HPSE2: variants seen among roughly 807,000 people sequenced by gnomAD.
HPSE2 encodes inactive heparanase-2.
A neutral mutation model predicts 60.5 loss-of-function variants in HPSE2; 38 were observed. The ratio of observed to expected loss-of-function variants is 0.63; its 90% confidence interval spans 0.48 to 0.82. The LOEUF (loss-of-function observed/expected upper bound fraction) is 0.82, where lower values mean the gene tolerates loss of function less well. HPSE2 is among the 40% of genes least tolerant of loss of function. The probability of loss-of-function intolerance (pLI) is 0.00; values close to 1 mark genes in which losing one functional copy is unlikely to be tolerated. For missense variants in HPSE2, 713 were observed against 740.4 expected (o/e 0.96, Z 0.43); for synonymous variants, 295 against 293.2 (o/e 1.01, Z -0.06).
chr10:98,641,328 G>A (rs1055106949), intron 7 of HPSE2, among the ~76,000 whole-genome samples: 3 of 152,100 alleles, frequency 2.0e-5, no homozygotes, highest in Non-Finnish European at 4.4e-5. Context: ...GGCTCACACC[G>A]GTAATCCCAG....
intron 2 of HPSE2, among the ~76,000 whole-genome samples, chr10:99,170,254 G>A (rs2040022): frequency 0.47 from 71,589 of 152,078 alleles, 19,486 homozygotes; most frequent in Non-Finnish European, 0.61. Context: ...CAGAACAAAC[G>A]ACACTCTGGC....
intron 3 of HPSE2, among the ~76,000 whole-genome samples, chr10:98,837,866 T>C (rs1331923635): frequency 1.5e-5 from 2 of 135,422 alleles, no homozygotes; most frequent in East Asian, 4.2e-4. Context: ...AGAGCGAGAC[T>C]CCATCTCAAA....
chr10:98,859,261 A>G lies in HPSE2; in HGVS notation c.611-115205T>C, dbSNP rs759740625. ...TGACCATATGACTCACAAAGCCTTA[A>G]ATATACACACACATATACACTATCT... On this transcript the variant is annotated intron_variant, in intron 3 of 11. Transcript: ENST00000370552. 4.1e-4 allele frequency among the ~76,000 whole-genome samples: 63 copies of G among 152,188 alleles called. 1 individual carries two copies. Among genetic ancestry groups the G allele is most frequent in the Non-Finnish European group, 7.3e-5 (5 of 68,036 alleles).
At chr10:99,082,263 A>G (rs1843170689) in intron 3 of HPSE2, among the ~76,000 whole-genome samples, 1 of 152,220 alleles carries the variant, frequency 6.6e-6, no homozygotes, top group African/African-American at 2.4e-5. Context: ...AAATACACAT[A>G]TACTAGAAAG....
chr10:98,526,489 T>C lies in HPSE2; in HGVS notation c.1321-36293A>G, dbSNP rs76067663. ...GTAGTATAAAGTTTAGCACTAGTTA[T>C]GGGGAAGCAGCCTTATTCAAAAATC... On this transcript the variant is annotated intron_variant, in intron 9 of 11. Transcript: ENST00000370552. Among the ~76,000 whole-genome samples, 137 of 152,324 alleles carry C rather than the reference T, an allele frequency of 9.0e-4. No individual in the cohort carries two copies. In the East Asian group the frequency reaches 0.022, roughly 24 times the overall value.
intron 9 of HPSE2, among the ~76,000 whole-genome samples, chr10:98,571,153 C>A (rs975072395): frequency 6.6e-6 from 1 of 152,122 alleles, no homozygotes; most frequent in Admixed American, 6.6e-5. Flanking sequence ...AGTAGAAAGA[C>A]CTAATGTATG....
At chr10:98,860,098 T>C (rs1229085167) in intron 3 of HPSE2, among the ~76,000 whole-genome samples, 1 of 152,174 alleles carries the variant, frequency 6.6e-6, no homozygotes, top group African/African-American at 2.4e-5. Context: ...AGGCATCCTT[T>C]GGGGGTCTTG....
At chr10:99,125,393 T>C (rs1845123451) in intron 3 of HPSE2, among the ~76,000 whole-genome samples, 1 of 152,202 alleles carries the variant, frequency 6.6e-6, no homozygotes, top group African/African-American at 2.4e-5. Context: ...TCAGACTCTA[T>C]CTAATCCCCT....
intron 9 of HPSE2, among the ~76,000 whole-genome samples, chr10:98,542,177 C>T (rs1364162294): frequency 5.9e-5 from 9 of 152,122 alleles, no homozygotes; most frequent in Non-Finnish European, 1.3e-4. Context: ...CACGAAAATC[C>T]GCTCTTCTGC....
chr10:99,100,490 T>A (rs1456695462), intron 3 of HPSE2, among the ~76,000 whole-genome samples: 3 of 152,146 alleles, frequency 2.0e-5, no homozygotes, highest in African/African-American at 7.2e-5. Context: ...TAGGGGACTA[T>A]GTGAAAAGAC....
chr10:99,193,076 C>T (rs1245645288), intron 2 of HPSE2, among the ~76,000 whole-genome samples: 1 of 152,040 alleles, frequency 6.6e-6, no homozygotes, highest in Non-Finnish European at 1.5e-5. Flanking sequence ...AAAATAATAA[C>T]TACAACAACT....
At chr10:98,626,356 G>T (rs1363204555) in intron 7 of HPSE2, among the ~76,000 whole-genome samples, 2 of 152,120 alleles carry the variant, frequency 1.3e-5, no homozygotes, top group African/African-American at 4.8e-5. Flanking sequence ...AATTATTGTA[G>T]ACTTTACAAA....
intron 3 of HPSE2, among the ~76,000 whole-genome samples, chr10:98,889,339 C>T (rs185178725): frequency 7.2e-5 from 11 of 151,832 alleles, no homozygotes; most frequent in Admixed American, 4.6e-4. Context: ...TGTACCACCA[C>T]GCCTGGCTTT....
intron 3 of HPSE2, among the ~76,000 whole-genome samples, chr10:99,050,582 G>A (rs7080467): frequency 0.099 from 15,120 of 152,092 alleles, 815 homozygotes; most frequent in South Asian, 0.18. Flanking sequence ...ACTGCAATAA[G>A]TTATGGAATC....
chr10:98,539,179 A>G (rs776836382), intron 9 of HPSE2, among the ~76,000 whole-genome samples: 1 of 152,180 alleles, frequency 6.6e-6, no homozygotes, highest in Non-Finnish European at 1.5e-5. Flanking sequence ...TCAGCCCCAC[A>G]ATATTTAACA....
Position 98,938,301 on chromosome 10 carries a change from A to T in HPSE2, c.611-194245T>A, listed in dbSNP as rs537872172. On this transcript the variant is annotated intron_variant, in intron 3 of 11. Transcript: ENST00000370552. ...TGATCAAACTACTCCGAGCTACAGG[A>T]GGAAATTCAAACCAAAGGCAAAGAA... is the stretch of plus-strand genomic sequence containing the variant. Among the ~76,000 whole-genome samples the T allele has an allele frequency of 6.9e-5, 10 of 144,790 alleles. 1 individual carries two copies. Among genetic ancestry groups the T allele is most frequent in the Non-Finnish European group, 1.0e-4 (7 of 67,268 alleles). The allele number at this position is 144,790 out of a possible 152,430, so 95.0% of individuals were successfully genotyped here.
intron 9 of HPSE2, among the ~76,000 whole-genome samples, chr10:98,518,154 C>T (rs570738205): frequency 3.9e-5 from 6 of 152,176 alleles, no homozygotes; most frequent in Non-Finnish European, 8.8e-5. Flanking sequence ...TCAGAAGCAA[C>T]TTGGCAGGCA....
At chr10:99,288,317 A>C in the HPSE2 span, among the ~76,000 whole-genome samples, 1 of 152,176 alleles carries the variant, frequency 6.6e-6, no homozygotes, top group Non-Finnish European at 1.5e-5. Flanking sequence ...TAGCTTACAC[A>C]TAAGTTCCAT....
At chr10:98,492,241 G>T (rs977673025) in intron 9 of HPSE2, among the ~76,000 whole-genome samples, 1 of 152,136 alleles carries the variant, frequency 6.6e-6, no homozygotes, top group Non-Finnish European at 1.5e-5. Flanking sequence ...GGTGGCTCAC[G>T]CCTATAATCC....
Sources: gnomAD v4.1 joint callset for allele counts (sites outside exome capture counted in the v4.1 genomes callset) on GRCh38, gnomAD v4.1.1 for gene constraint, MANE v1.5 for transcripts, NCBI Gene and HGNC (gene_info 2026-07-23, HGNC 2026-07-21) for gene names.